Variants in PLEKHA7 observed in about 807,000 individuals in gnomAD.
PLEKHA7 encodes the protein pleckstrin homology domain-containing family A member 7.
PLEKHA7 carries 104 observed loss-of-function variants against 170.0 expected under a neutral mutation model. The observed-to-expected ratio is 0.61, with a 90% CI of 0.52 to 0.72. The LOEUF (loss-of-function observed/expected upper bound fraction) is 0.72, where lower values mean the gene tolerates loss of function less well. PLEKHA7 is among the 30% of genes least tolerant of loss of function. PLEKHA7 has a pLI of 0.00. For missense variants in PLEKHA7, 1,615 were observed against 1,671.7 expected, an observed-to-expected ratio of 0.97 and a Z score of 0.59; for synonymous variants, 648 against 660.8, an observed-to-expected ratio of 0.98 and a Z score of 0.30.
Position 16,851,254 on chromosome 11 carries a change from C to A in PLEKHA7, c.633G>T (p.Leu211Phe), listed in dbSNP as rs1464907996. 1 of 1,611,800 alleles carries A rather than the reference C, an allele frequency of 6.2e-7. No homozygotes were observed. Among genetic ancestry groups the A allele is most frequent in the East Asian group, 2.2e-5 (1 of 44,800 alleles). Residue 211 changes from leucine to phenylalanine, a missense_variant, in exon 8 of 27, where the codon TTG becomes TTT. Leu to Phe is a conservative substitution (Grantham distance 22, BLOSUM62 0). Coordinates refer to ENST00000531066, the MANE Select transcript of PLEKHA7 (RefSeq NM_001329630.2). ...CCACAGGAGAGATCACGTAGCTGGG[C>A]AAGGGGATGCTCCCGAGGACCGCTT... ...REEAVLGSIPLPSYVISPVAP... is the reference protein window; with the variant it reads ...REEAVLGSIPFPSYVISPVAP...
At chr11:16,925,470 G>A (rs1362571506) in intron 3 of PLEKHA7, among the ~76,000 whole-genome samples, 2 of 152,116 alleles carry the variant, frequency 1.3e-5, no homozygotes, top group African/African-American at 4.8e-5. Flanking sequence ...TGCACCCTGC[G>A]CCCTGTCGGC....
intron 3 of PLEKHA7, among the ~76,000 whole-genome samples, chr11:16,872,164 T>C (rs1854912755): frequency 6.6e-6 from 1 of 151,992 alleles, no homozygotes. Flanking sequence ...AGATGGGCTT[T>C]CCCCATGTTG....
At chr11:16,851,560 T>C (rs396752) in intron 7 of PLEKHA7, among the ~76,000 whole-genome samples, 121,554 of 152,062 alleles carry the variant, frequency 0.8, 50,037 homozygotes, top group East Asian at 0.92. Context: ...GCGATTCTCC[T>C]GCCTTAGCCT....
intron 16 of PLEKHA7, 124 bp downstream of exon 16, chr11:16,801,544 A>T (rs1314996017): frequency 1.6e-6 from 2 of 1,226,774 alleles, no homozygotes; most frequent in African/African-American, 3.0e-5. Flanking sequence ...CTGCTACTGG[A>T]GAAGCTCTGC....
intron 3 of PLEKHA7, among the ~76,000 whole-genome samples, chr11:16,923,067 CT>C (rs1859215826): frequency 6.6e-6 from 1 of 152,180 alleles, no homozygotes; most frequent in Non-Finnish European, 1.5e-5. Flanking sequence ...CACTTTCCCC[CT>C]AACCTATAAC....
intron 9 of PLEKHA7, among the ~76,000 whole-genome samples, chr11:16,828,161 C>A (rs1850807803): frequency 6.6e-6 from 1 of 152,158 alleles, no homozygotes; most frequent in Admixed American, 6.5e-5. Context: ...GTGTCCCCAC[C>A]CAAATCTCAT....
intron 23 of PLEKHA7, chr11:16,787,008 A>C (rs914835345): frequency 1.6e-5 from 16 of 985,000 alleles, no homozygotes; most frequent in Middle Eastern, 5.2e-4. Flanking sequence ...AGAAAAAAAA[A>C]CTAAATCATA....
intron 3 of PLEKHA7, among the ~76,000 whole-genome samples, chr11:16,959,111 G>A (rs7944088): frequency 0.059 from 9,001 of 152,194 alleles, 864 homozygotes; most frequent in African/African-American, 0.2. Context: ...TAGGTTTGTG[G>A]GTACATGTGA....
At chr11:16,860,257 C>A (rs1036991824) in intron 4 of PLEKHA7, among the ~76,000 whole-genome samples, 2 of 152,162 alleles carry the variant, frequency 1.3e-5, no homozygotes. Context: ...CTGCTTCCTG[C>A]ATATTTGGCA....
rs996092879 is a variant in PLEKHA7, at chr11:16,867,524, C to T, written c.305+3575G>A. Among the ~76,000 whole-genome samples, 4 of 152,276 alleles carry T rather than the reference C, an allele frequency of 2.6e-5. No homozygotes were observed. The South Asian group carries it at 8.3e-4, about 32-fold the overall frequency. On this transcript the variant is annotated intron_variant, in intron 4 of 26. Coordinates refer to ENST00000531066, the MANE Select transcript of PLEKHA7 (RefSeq NM_001329630.2). ...CATTAGTCTGAGACATAACACACTACATAACAAAATTAAGCTCCTCTAAGG... is the reference window on the plus strand; with the variant it reads ...CATTAGTCTGAGACATAACACACTATATAACAAAATTAAGCTCCTCTAAGG...
At chr11:16,998,882 G>A (rs559481876) in intron 3 of PLEKHA7, among the ~76,000 whole-genome samples, 1 of 151,972 alleles carries the variant, frequency 6.6e-6, no homozygotes, top group East Asian at 1.9e-4. Context: ...TTGGTGGGTA[G>A]GAAATCATTT....
At chr11:16,927,313 A>T (rs926316280) in intron 3 of PLEKHA7, among the ~76,000 whole-genome samples, 1 of 152,266 alleles carries the variant, frequency 6.6e-6, no homozygotes, top group African/African-American at 2.4e-5. Flanking sequence ...TTATTTTCCA[A>T]ATCAAAAATT....
Position 16,861,707 on chromosome 11 carries a change from C to T in PLEKHA7, c.306-5793G>A, listed in dbSNP as rs527891466. Among the ~76,000 whole-genome samples the T allele has an allele frequency of 4.4e-4, 67 of 152,202 alleles. 1 individual carries two copies. The highest frequency in any genetic ancestry group is 7.9e-4 in the Non-Finnish European group (54 of 68,004). ...GGGAGGTTAGAAAGCTATAAGGAAA[C>T]ACAAATCTTTTACTGAGAACACCTT... On this transcript the variant is annotated intron_variant, in intron 4 of 26. Coordinates refer to ENST00000531066, the MANE Select transcript of PLEKHA7 (RefSeq NM_001329630.2).
chr11:16,926,176 G>C (rs1002324634), intron 3 of PLEKHA7, among the ~76,000 whole-genome samples: 1 of 152,236 alleles, frequency 6.6e-6, no homozygotes, highest in African/African-American at 2.4e-5. Flanking sequence ...CAGGAATGAA[G>C]ACTTGGTTGG....
At chr11:16,914,403 C>T (rs963840706) in intron 3 of PLEKHA7, among the ~76,000 whole-genome samples, 6 of 152,168 alleles carry the variant, frequency 3.9e-5, no homozygotes, top group African/African-American at 7.2e-5. Context: ...GAAAGCAAAC[C>T]GGTGACACTC....
chr11:16,849,501 A>G (rs527255977), intron 8 of PLEKHA7, among the ~76,000 whole-genome samples: 3 of 152,354 alleles, frequency 2.0e-5, no homozygotes, highest in African/African-American at 7.2e-5. Flanking sequence ...AGTTTCTAAA[A>G]TGATACAATT....
chr11:16,944,961 T>A (rs1041482777), intron 3 of PLEKHA7, among the ~76,000 whole-genome samples: 1 of 152,068 alleles, frequency 6.6e-6, no homozygotes, highest in Admixed American at 6.6e-5. Flanking sequence ...GGAGTTCACT[T>A]TTTTTTCCCC....
chr11:16,778,556 T>C lies in PLEKHA7; in HGVS notation c.*442A>G. 9.1e-6 allele frequency: 2 copies of C among 219,116 alleles called. No individual in the cohort carries two copies. Among genetic ancestry groups the C allele is most frequent in the Non-Finnish European group, 9.4e-6 (1 of 105,836 alleles). The allele number at this position is 219,116 out of a possible 1,614,324, so 13.6% of individuals were successfully genotyped here. On this transcript the variant is annotated 3_prime_UTR_variant, in exon 27 of 27. Transcript: ENST00000531066. Reference sequence around the variant, plus strand: ...TGCTGGAGTCTACTGGGAACACCTCTTTAAATCTCACTTTCTCCTGAGGTC... The same window carrying C: ...TGCTGGAGTCTACTGGGAACACCTCCTTAAATCTCACTTTCTCCTGAGGTC...
At chr11:16,851,317 C>A (rs973755646) in intron 7 of PLEKHA7, 26 bp from the exon 8 acceptor site, 9 of 1,581,296 alleles carry the variant, frequency 5.7e-6, no homozygotes, top group Non-Finnish European at 6.9e-6. Flanking sequence ...TGCATCAGAA[C>A]AACCTTCTGG....
Sources: allele counts gnomAD v4.1 joint callset (sites outside exome capture counted in the v4.1 genomes callset), GRCh38; gene constraint gnomAD v4.1.1; transcripts MANE v1.5; gene names NCBI Gene and HGNC (gene_info 2026-07-23, HGNC 2026-07-21).